The following ADD2 variants were observed in gnomAD, a reference collection of about 807,000 sequenced individuals.
The protein encoded by ADD2 is beta-adducin.
Under a neutral mutation model 83.0 loss-of-function variants are expected in ADD2, and 23 were observed. The ratio of observed to expected loss-of-function variants is 0.28; its 90% confidence interval spans 0.20 to 0.39. The LOEUF (loss-of-function observed/expected upper bound fraction) is 0.39. Ranked by LOEUF, ADD2 falls within the 10% of genes least tolerant of loss-of-function variation. ADD2 has a pLI of 1.00. For synonymous variants in ADD2, 375 were observed against 375.4 expected (o/e 1.00, Z 0.01); for missense variants, 758 against 944.9 (o/e 0.80, Z 2.59).
chr2:70,666,580 G>A (rs1675809977), intron 15 of ADD2, among the ~76,000 whole-genome samples: 1 of 152,190 alleles, frequency 6.6e-6, no homozygotes, highest in South Asian at 2.1e-4. Context: ...TTCTAGCTCC[G>A]TGAAGACAAC....
intron 1 of ADD2, among the ~76,000 whole-genome samples, chr2:70,716,285 C>T (rs1018938086): frequency 6.6e-6 from 1 of 152,098 alleles, no homozygotes; most frequent in Non-Finnish European, 1.5e-5. Context: ...ACTCAGATGA[C>T]ACCTCTATTC....
At chr2:70,761,438 G>T (rs1308018526) in intron 1 of ADD2, among the ~76,000 whole-genome samples, 2 of 151,410 alleles carry the variant, frequency 1.3e-5, no homozygotes, top group Non-Finnish European at 2.9e-5. Flanking sequence ...GTGAAACCTG[G>T]TCTCTACTAA....
rs377498164 is a variant in ADD2, at chr2:70,712,427, G to A, written c.-35+639C>T. 2.4e-3 allele frequency among the ~76,000 whole-genome samples: 339 copies of A among 142,660 alleles called. 2 individuals carry two copies. The highest frequency in any genetic ancestry group is 8.6e-3 in the African/African-American group (319 of 37,188). 93.6% of individuals were successfully genotyped at this position (142,660 alleles called of 152,430 possible). On this transcript the variant is annotated intron_variant, in intron 2 of 15. Transcript: ENST00000264436. ...CCACTGCACTCCAGCCTGGGTGAAAGAGGGAGACCCTGTCTCAAAAAAAAT... is the reference window on the plus strand; with the variant it reads ...CCACTGCACTCCAGCCTGGGTGAAAAAGGGAGACCCTGTCTCAAAAAAAAT...
chr2:70,722,372 C>T (rs908897562), intron 1 of ADD2, among the ~76,000 whole-genome samples: 7 of 152,098 alleles, frequency 4.6e-5, no homozygotes, highest in African/African-American at 1.7e-4. Context: ...CACATCCCAA[C>T]TTCAAAGATG....
intron 1 of ADD2, among the ~76,000 whole-genome samples, chr2:70,735,001 G>C (rs1053167256): frequency 5.9e-5 from 9 of 152,124 alleles, no homozygotes; most frequent in Non-Finnish European, 1.0e-4. Context: ...ATCACCTACA[G>C]AAAGTGTTCA....
intron 1 of ADD2, among the ~76,000 whole-genome samples, chr2:70,747,743 G>A (rs1035397152): frequency 3.9e-5 from 6 of 152,170 alleles, no homozygotes; most frequent in African/African-American, 1.2e-4. Context: ...TGTGTTCAGC[G>A]ACAGTATCTC....
chr2:70,703,539 C>G (rs1671723239), intron 4 of ADD2, among the ~76,000 whole-genome samples: 1 of 152,150 alleles, frequency 6.6e-6, no homozygotes, highest in African/African-American at 2.4e-5. Context: ...AGCAATTCTA[C>G]TAGTAATTTA....
chr2:70,672,491 T>A (rs1669935334), intron 15 of ADD2, among the ~76,000 whole-genome samples: 1 of 152,236 alleles, frequency 6.6e-6, no homozygotes, highest in Non-Finnish European at 1.5e-5. Context: ...AAATTCAGCA[T>A]CTTAGGCCAC....
chr2:70,700,083 A>C (rs1240744530), intron 4 of ADD2, among the ~76,000 whole-genome samples: 1 of 152,212 alleles, frequency 6.6e-6, no homozygotes, highest in Non-Finnish European at 1.5e-5. Context: ...AAATGAACAG[A>C]AATCAAATGT....
intron 1 of ADD2, among the ~76,000 whole-genome samples, chr2:70,713,622 G>A (rs1672313068): frequency 6.6e-6 from 1 of 151,988 alleles, no homozygotes; most frequent in South Asian, 2.1e-4. Flanking sequence ...AAAGAAAAAA[G>A]GTAAAGAAAG....
At chr2:70,761,217 G>A (rs1405027805) in intron 1 of ADD2, among the ~76,000 whole-genome samples, 8 of 141,558 alleles carry the variant, frequency 5.7e-5, no homozygotes, top group Admixed American at 1.4e-4. Flanking sequence ...GAAAGCAAAA[G>A]CATGCATTAC....
chr2:70,673,137 C>A (rs893278106), intron 14 of ADD2, 131 bp from the exon 15 acceptor site: 1 of 1,536,150 alleles, frequency 6.5e-7, no homozygotes, highest in East Asian at 2.3e-5. Context: ...AGACTTCTAG[C>A]TGAAGTTAGC....
At chr2:70,743,209 C>T (rs533027907) in intron 1 of ADD2, among the ~76,000 whole-genome samples, 1 of 152,268 alleles carries the variant, frequency 6.6e-6, no homozygotes, top group South Asian at 2.1e-4. Context: ...CCTCAGTGGA[C>T]ATGAGGAATA....
chr2:70,687,593 AAAACAAACAAACAAAC>A (rs56727401), intron 9 of ADD2, among the ~76,000 whole-genome samples: 61 of 149,528 alleles, frequency 4.1e-4, no homozygotes, highest in African/African-American at 8.9e-4. Context: ...CCCTCCCCTC[AAAACAAACAAACAAAC>A]AAACAAACAA....
intron 1 of ADD2, among the ~76,000 whole-genome samples, chr2:70,752,105 G>A (rs1047987547): frequency 2.0e-5 from 3 of 152,080 alleles, no homozygotes; most frequent in Admixed American, 6.6e-5. Context: ...CACGCGCTTT[G>A]GACATTTGCC....
chr2:70,717,072 A>T (rs538933949), intron 1 of ADD2, among the ~76,000 whole-genome samples: 1 of 151,952 alleles, frequency 6.6e-6, no homozygotes, highest in Non-Finnish European at 1.5e-5. Context: ...CACCTCCCTC[A>T]GCTGGGACCC....
intron 1 of ADD2, among the ~76,000 whole-genome samples, chr2:70,734,770 C>G (rs1208593284): frequency 2.0e-5 from 3 of 152,178 alleles, no homozygotes; most frequent in Non-Finnish European, 4.4e-5. Flanking sequence ...CTCTGAATTC[C>G]CCAAGCCGAC....
intron 1 of ADD2, among the ~76,000 whole-genome samples, chr2:70,758,623 C>T (rs1457139666): frequency 6.6e-6 from 1 of 152,068 alleles, no homozygotes; most frequent in African/African-American, 2.4e-5. Flanking sequence ...CATAGTGAGA[C>T]CTCGTCTCTA....
intron 15 of ADD2, among the ~76,000 whole-genome samples, chr2:70,668,490 TTTTTC>T (rs1433691579): frequency 6.6e-6 from 1 of 152,250 alleles, no homozygotes; most frequent in Non-Finnish European, 1.5e-5. Context: ...CATTTATCTT[TTTTTC>T]TTTTGAGAGT....
Sources: gnomAD v4.1 joint callset for allele counts (sites outside exome capture counted in the v4.1 genomes callset) on GRCh38, gnomAD v4.1.1 for gene constraint, MANE v1.5 for transcripts, NCBI Gene and HGNC (gene_info 2026-07-23, HGNC 2026-07-21) for gene names.